The following ERCC8 variants were observed in gnomAD, a reference collection of about 807,000 sequenced individuals.
ERCC8 encodes ERCC excision repair 8, CSA ubiquitin ligase complex subunit.
A neutral mutation model predicts 54.9 loss-of-function variants in ERCC8; 52 were observed. The observed-to-expected ratio is 0.95, with a 90% CI of 0.76 to 1.19. The LOEUF (loss-of-function observed/expected upper bound fraction) is 1.19, where lower values mean the gene tolerates loss of function less well. Ranked by LOEUF, ERCC8 falls within the 50% of genes most tolerant of loss-of-function variation. The probability of loss-of-function intolerance (pLI) is 0.00; values close to 1 mark genes in which losing one functional copy is unlikely to be tolerated. For synonymous variants in ERCC8, 146 were observed against 157.2 expected, an observed-to-expected ratio of 0.93 and a Z score of 0.53; for missense variants, 514 against 466.1, an observed-to-expected ratio of 1.10 and a Z score of -0.95.
At chr5:60,944,671 G>T (rs1018173234) in intron 1 of ERCC8, among the ~76,000 whole-genome samples, 1 of 151,788 alleles carries the variant, frequency 6.6e-6, no homozygotes, top group Non-Finnish European at 1.5e-5. Context: ...TTCTTATTTA[G>T]GTTTATAGTG....
rs190426591 is a variant in ERCC8, at chr5:60,902,698, T to C, written c.551-190A>G. Among the ~76,000 whole-genome samples, 14 of 152,168 alleles carry C rather than the reference T, an allele frequency of 9.2e-5. No individual in the cohort carries two copies. In the East Asian group the frequency reaches 1.9e-3, roughly 21 times the overall value. On this transcript the variant is annotated intron_variant, in intron 6 of 11. Transcript: ENST00000676185. ...GAAGTTTACAGGGGTATTTCAAACA[T>C]ATGGTATTTTATTGTAAAAGAACTG...
At chr5:60,935,336 T>C (rs896358880) in intron 1 of ERCC8, among the ~76,000 whole-genome samples, 1 of 152,246 alleles carries the variant, frequency 6.6e-6, no homozygotes, top group African/African-American at 2.4e-5. Flanking sequence ...GATCCTCAGC[T>C]TGGTCACTGT....
At chr5:60,926,252 T>C (rs1749747688) in intron 2 of ERCC8, among the ~76,000 whole-genome samples, 2 of 152,218 alleles carry the variant, frequency 1.3e-5, no homozygotes, top group Non-Finnish European at 2.9e-5. Flanking sequence ...GCTATTTAAC[T>C]CTCCAAGATA....
intron 11 of ERCC8, among the ~76,000 whole-genome samples, chr5:60,882,082 C>T (rs1316489508): frequency 3.9e-5 from 6 of 152,210 alleles, no homozygotes; most frequent in Non-Finnish European, 8.8e-5. Context: ...ATCTCGTGAT[C>T]TGCCTACCTC....
chr5:60,904,672 ATATATATATAT>A, intron 5 of ERCC8, 109 bp downstream of exon 5: 1 of 171,012 alleles, frequency 5.8e-6, no homozygotes, highest in Non-Finnish European at 1.1e-5. Flanking sequence ...ATATATATAT[ATATATATATAT>A]AAAATTGTGA....
At chr5:60,892,024 T>C (rs1748577218) in intron 9 of ERCC8, 3 of 525,646 alleles carry the variant, frequency 5.7e-6, no homozygotes, top group Non-Finnish European at 1.2e-5. Flanking sequence ...TGCACATTTC[T>C]GTAAATTCTT....
At chr5:60,943,254 G>A (rs1388966603) in intron 1 of ERCC8, among the ~76,000 whole-genome samples, 5 of 152,012 alleles carry the variant, frequency 3.3e-5, no homozygotes, top group Non-Finnish European at 5.9e-5. Context: ...CTGGGTGACA[G>A]AGCAAGACCC....
chr5:60,910,787 T>C (rs1749234370), intron 4 of ERCC8, among the ~76,000 whole-genome samples: 1 of 152,160 alleles, frequency 6.6e-6, no homozygotes, highest in Non-Finnish European at 1.5e-5. Flanking sequence ...TTTTGAATTT[T>C]CTACGTTCAT....
chr5:60,934,674 T>C (rs1242822414), intron 1 of ERCC8, among the ~76,000 whole-genome samples: 1 of 152,256 alleles, frequency 6.6e-6, no homozygotes, highest in Admixed American at 6.5e-5. Context: ...CAATGTTATC[T>C]TCTAGAATTT....
chr5:60,935,866 C>G (rs182455886), intron 1 of ERCC8, among the ~76,000 whole-genome samples: 5 of 152,244 alleles, frequency 3.3e-5, no homozygotes, highest in African/African-American at 1.2e-4. Flanking sequence ...GTTAAACCAT[C>G]CCTGCATTCC....
chr5:60,937,063 C>A (rs1247887581), intron 1 of ERCC8, among the ~76,000 whole-genome samples: 1 of 152,332 alleles, frequency 6.6e-6, no homozygotes, highest in East Asian at 1.9e-4. Context: ...ATCTAGCCAA[C>A]CAGCAGAGCT....
chr5:60,887,494 G>A lies in ERCC8; in HGVS notation c.1068C>T (p.Cys356=), dbSNP rs141898557. ...AGGATGGAACCCAAGCCAGAATGTT[G>A]CAGTCTCTGCTACCACTATAAAGTT... The part of the protein sequence containing the change: ...FQELYSGSRD[C]NILAWVPSLY... Residue 356 remains cysteine, a synonymous_variant, in exon 11 of 12, where the codon TGC becomes TGT. Transcript: ENST00000676185. 108 of 1,613,882 alleles carry A rather than the reference G, an allele frequency of 6.7e-5. No individual in the cohort carries two copies. The South Asian group carries it at 1.2e-3, about 17-fold the overall frequency.
chr5:60,913,302 C>T (rs1473047234), intron 4 of ERCC8, among the ~76,000 whole-genome samples: 2 of 152,064 alleles, frequency 1.3e-5, no homozygotes, highest in Non-Finnish European at 2.9e-5. Flanking sequence ...GATTCAACTT[C>T]TTCCTGGTTT....
chr5:60,917,921 G>T (rs1403956803), intron 4 of ERCC8: 2 of 236,506 alleles, frequency 8.5e-6, no homozygotes, highest in East Asian at 1.0e-4. Flanking sequence ...TTCACAAAGG[G>T]ATAATAATAT....
chr5:60,896,326 C>T (rs1335019392), intron 9 of ERCC8, among the ~76,000 whole-genome samples: 1 of 152,192 alleles, frequency 6.6e-6, no homozygotes, highest in Non-Finnish European at 1.5e-5. Flanking sequence ...AAGCGATTCT[C>T]CTGTGTCAGC....
intron 6 of ERCC8, 49 bp downstream of exon 6, chr5:60,903,599 T>C: frequency 1.9e-6 from 3 of 1,609,900 alleles, no homozygotes; most frequent in Non-Finnish European, 2.5e-6. Context: ...TTTCTTTTTA[T>C]TGAATCGTTT....
Position 60,866,651 on chromosome 5 carries a change from CA to C in ERCC8, c.*7963del, listed in dbSNP as rs1459767550. 6.6e-6 allele frequency: 1 copy of C among 152,176 alleles called. No individual in the cohort carries two copies. Among genetic ancestry groups the C allele is most frequent in the Non-Finnish European group, 1.5e-5 (1 of 68,026 alleles). 9.4% of individuals were successfully genotyped at this position (152,176 alleles called of 1,614,324 possible). A position where few individuals can be genotyped will look rare whatever the true frequency, so the allele number is the denominator to read the frequency against. On this transcript the variant is annotated 3_prime_UTR_variant, in exon 12 of 12. Transcript: ENST00000676185. ...TTCCATTAGAATTTGAGTGTTCACTCAGTATTAAGACAATTCATAAAACTTT... is the reference window on the plus strand; with the variant it reads ...TTCCATTAGAATTTGAGTGTTCACTCGTATTAAGACAATTCATAAAACTTT...
rs1207379136 is a variant in ERCC8 at position 60,868,912 on chromosome 5, T to C, written c.*5703A>G. Among the ~76,000 whole-genome samples the C allele has an allele frequency of 1.3e-5, 2 of 152,208 alleles. No homozygotes were observed. Among genetic ancestry groups the C allele is most frequent in the Non-Finnish European group, 2.9e-5 (2 of 68,032 alleles). Reference sequence around the variant, plus strand: ...TTACAATAGAAAGCAAAGTGATTGTTTTCCTTTCTGTAATTAGCTTTCCCT... The same window carrying C: ...TTACAATAGAAAGCAAAGTGATTGTCTTCCTTTCTGTAATTAGCTTTCCCT... On this transcript the variant is annotated 3_prime_UTR_variant, in exon 12 of 12. Transcript: ENST00000676185.
chr5:60,897,073 C>T (rs2112484485), intron 9 of ERCC8, among the ~76,000 whole-genome samples: 1 of 152,310 alleles, frequency 6.6e-6, no homozygotes, highest in Non-Finnish European at 1.5e-5. Context: ...AACCTCTTAG[C>T]TCTTCCTTGC....
Sources: allele counts gnomAD v4.1 joint callset (sites outside exome capture counted in the v4.1 genomes callset), GRCh38; gene constraint gnomAD v4.1.1; transcripts MANE v1.5; gene names NCBI Gene and HGNC (gene_info 2026-07-23, HGNC 2026-07-21).